Variants in EHBP1 observed in about 807,000 individuals in gnomAD.
EHBP1 encodes the protein EH domain-binding protein 1.
EHBP1 carries 55 observed loss-of-function variants against 144.0 expected under a neutral mutation model. The observed-to-expected ratio is 0.38, with a 90% CI of 0.31 to 0.48. EHBP1 has a LOEUF of 0.48. Among genes scored for constraint, EHBP1 ranks in the 20% least tolerant of loss-of-function variants. The pLI, the probability that EHBP1 is intolerant of heterozygous loss-of-function variation, is 0.98. For synonymous variants in EHBP1, 469 were observed against 472.7 expected, an observed-to-expected ratio of 0.99 and a Z score of 0.10; for missense variants, 1,200 against 1,364.2, an observed-to-expected ratio of 0.88 and a Z score of 1.90.
At chr2:62,924,680 A>G (rs2055354317) in intron 10 of EHBP1, among the ~76,000 whole-genome samples, 1 of 152,232 alleles carries the variant, frequency 6.6e-6, no homozygotes, top group Non-Finnish European at 1.5e-5. Context: ...TGAATAGACC[A>G]ATAAGTAAAA....
At chr2:62,895,207 A>G (rs999923249) in intron 10 of EHBP1, among the ~76,000 whole-genome samples, 1 of 152,172 alleles carries the variant, frequency 6.6e-6, no homozygotes, top group Non-Finnish European at 1.5e-5. Flanking sequence ...TGGAGGTTAT[A>G]CAAGTGTATG....
At chr2:62,947,255 T>G (rs1371526113) in intron 12 of EHBP1, among the ~76,000 whole-genome samples, 1 of 152,226 alleles carries the variant, frequency 6.6e-6, no homozygotes, top group Non-Finnish European at 1.5e-5. Context: ...TCTTTCTTAC[T>G]TGTTCCATAA....
intron 9 of EHBP1, among the ~76,000 whole-genome samples, chr2:62,870,200 A>G (rs1017241557): frequency 6.6e-6 from 1 of 152,176 alleles, no homozygotes; most frequent in Non-Finnish European, 1.5e-5. Context: ...GAGAAATGTT[A>G]TCTCTCTATT....
At chr2:62,674,925 C>G (rs1022220462) in intron 1 of EHBP1, among the ~76,000 whole-genome samples, 1 of 152,152 alleles carries the variant, frequency 6.6e-6, no homozygotes, top group African/African-American at 2.4e-5. Context: ...GCCACCATAC[C>G]CAGCCAAGTC....
At chr2:62,934,320 C>T (rs1230643633) in intron 10 of EHBP1, among the ~76,000 whole-genome samples, 1 of 152,170 alleles carries the variant, frequency 6.6e-6, no homozygotes, top group African/African-American at 2.4e-5. Context: ...TCTCTGAATA[C>T]TGATGTGACG....
intron 1 of EHBP1, among the ~76,000 whole-genome samples, chr2:62,698,310 C>T (rs1419987157): frequency 6.6e-6 from 1 of 152,216 alleles, no homozygotes; most frequent in Admixed American, 6.5e-5. Context: ...TCCTTTTCCA[C>T]ACTGAAGTAT....
intron 9 of EHBP1, among the ~76,000 whole-genome samples, chr2:62,873,813 A>G (rs1256372904): frequency 6.6e-6 from 1 of 152,202 alleles, no homozygotes; most frequent in Non-Finnish European, 1.5e-5. Flanking sequence ...TTCTCTACCC[A>G]GCTAAACTAT....
At chr2:63,034,825 C>T (rs1386929656) in intron 19 of EHBP1, among the ~76,000 whole-genome samples, 1 of 151,746 alleles carries the variant, frequency 6.6e-6, no homozygotes, top group African/African-American at 2.4e-5. Context: ...TTCTTTTTTT[C>T]CTCATGCATT....
At chr2:62,696,740 A>G (rs2034114403) in intron 1 of EHBP1, among the ~76,000 whole-genome samples, 1 of 151,444 alleles carries the variant, frequency 6.6e-6, no homozygotes. Context: ...GATGGTCTTC[A>G]TCTCTTGACC....
At chr2:62,825,943 T>TTTATTTAGTTA in intron 5 of EHBP1, 144 bp from the exon 6 acceptor site, 1 of 527,086 alleles carries the variant, frequency 1.9e-6, no homozygotes, top group Non-Finnish European at 3.0e-6. Flanking sequence ...TCATTGTAAT[T>TTTATTTAGTTA]TTATTTAGTT....
At chr2:62,709,458 G>C (rs955989715) in intron 2 of EHBP1, among the ~76,000 whole-genome samples, 1 of 152,092 alleles carries the variant, frequency 6.6e-6, no homozygotes, top group South Asian at 2.1e-4. Context: ...AACATTATCA[G>C]GTGATTCCTC....
In EHBP1 at chr2:62,981,673, C is replaced by T. The variant is rs187104442; in HGVS notation, c.2608+2338C>T. 2.0e-5 allele frequency among the ~76,000 whole-genome samples: 3 copies of T among 152,268 alleles called. No homozygotes were observed. In the East Asian group the frequency reaches 5.8e-4, roughly 29 times the overall value. On this transcript the variant is annotated intron_variant, in intron 15 of 22. Transcript: ENST00000431489. ...GTTACAACCCAAAGTGTGGTTGCTG[C>T]CTGGTAATGAGGGACAGTAAAGATC...
intron 10 of EHBP1, among the ~76,000 whole-genome samples, chr2:62,893,937 A>G (rs2052665031): frequency 2.6e-5 from 4 of 151,572 alleles, no homozygotes; most frequent in Non-Finnish European, 5.9e-5. Flanking sequence ...CCCAGCTAGT[A>G]GGGAGACTGA....
chr2:62,848,181 C>A (rs535212714), intron 7 of EHBP1, among the ~76,000 whole-genome samples: 1 of 151,236 alleles, frequency 6.6e-6, no homozygotes, highest in Non-Finnish European at 1.5e-5. Context: ...CAGGTTCAAG[C>A]GGTTCTTCTG....
At chr2:62,872,665 A>G (rs1043120392) in intron 9 of EHBP1, among the ~76,000 whole-genome samples, 27 of 152,258 alleles carry the variant, frequency 1.8e-4, no homozygotes, top group Middle Eastern at 3.4e-3. Flanking sequence ...TATGTTCACT[A>G]TATTGTTCTA....
At chr2:62,883,540 A>G (rs2051653154) in intron 10 of EHBP1, among the ~76,000 whole-genome samples, 1 of 152,200 alleles carries the variant, frequency 6.6e-6, no homozygotes, top group Admixed American at 6.5e-5. Flanking sequence ...TGGATAAGAT[A>G]CCTGGTGAAA....
chr2:62,832,240 A>G (rs951446985), intron 7 of EHBP1, among the ~76,000 whole-genome samples: 2 of 152,114 alleles, frequency 1.3e-5, no homozygotes, highest in African/African-American at 4.8e-5. Context: ...AGTCTCTTGA[A>G]TTTCAAATGT....
intron 10 of EHBP1, among the ~76,000 whole-genome samples, chr2:62,896,025 CA>C (rs2052895743): frequency 6.6e-6 from 1 of 152,098 alleles, no homozygotes; most frequent in Admixed American, 6.5e-5. Flanking sequence ...GTGTGCCAAG[CA>C]ATGGAAATAA....
intron 10 of EHBP1, among the ~76,000 whole-genome samples, chr2:62,899,801 G>A (rs1573966399): frequency 6.6e-6 from 1 of 152,120 alleles, no homozygotes; most frequent in African/African-American, 2.4e-5. Flanking sequence ...TGACCAGTTG[G>A]CAGAAGTTCC....
Sources: gnomAD v4.1 joint callset for allele counts (sites outside exome capture counted in the v4.1 genomes callset) on GRCh38, gnomAD v4.1.1 for gene constraint, MANE v1.5 for transcripts, NCBI Gene and HGNC (gene_info 2026-07-23, HGNC 2026-07-21) for gene names.